Variants in ZDHHC15 observed in about 807,000 individuals in gnomAD.
ZDHHC15 encodes the protein palmitoyltransferase ZDHHC15.
Under a neutral mutation model 31.7 loss-of-function variants are expected in ZDHHC15, and 19 were observed. The observed-to-expected ratio is 0.60, with a 90% CI of 0.42 to 0.88. ZDHHC15 has a LOEUF of 0.88. Ranked by LOEUF, ZDHHC15 falls within the 40% of genes least tolerant of loss-of-function variation. The pLI is 0.00. For missense variants in ZDHHC15, 209 were observed against 251.2 expected (o/e 0.83, Z 1.14); for synonymous variants, 103 against 90.0 (o/e 1.14, Z -0.82).
At chrX:75,462,650 T>A (rs769080070) in intron 3 of ZDHHC15, among the ~76,000 whole-genome samples, 1 of 112,089 alleles carries the variant, frequency 8.9e-6, no homozygotes, top group South Asian at 3.7e-4. Flanking sequence ...GGAAATTGGA[T>A]AACCTGCTCT....
At chrX:75,488,113 A>G (rs1602713781) in intron 2 of ZDHHC15, among the ~76,000 whole-genome samples, 1 of 112,346 alleles carries the variant, frequency 8.9e-6, no homozygotes, top group East Asian at 2.8e-4. Context: ...GGAATAATCG[A>G]GAAAAACTTC....
intron 2 of ZDHHC15, among the ~76,000 whole-genome samples, chrX:75,495,820 T>C (rs759313589): frequency 9.5e-6 from 1 of 104,931 alleles, no homozygotes; most frequent in East Asian, 3.2e-4. Flanking sequence ...TTAGGAGGCA[T>C]TCCTAATGTT....
At chrX:75,383,220 A>G (rs1047969279) in intron 10 of ZDHHC15, among the ~76,000 whole-genome samples, 6 of 112,362 alleles carry the variant, frequency 5.3e-5, no homozygotes, top group African/African-American at 1.9e-4. Context: ...TAATGTTTAC[A>G]ACTCACAAAG....
At chrX:75,481,856 C>T (rs985753409) in intron 2 of ZDHHC15, among the ~76,000 whole-genome samples, 1 of 112,059 alleles carries the variant, frequency 8.9e-6, no homozygotes, top group Admixed American at 9.5e-5. Flanking sequence ...TGCTGCAGAT[C>T]AGGGGGAGGT....
intron 10 of ZDHHC15, among the ~76,000 whole-genome samples, chrX:75,399,548 C>T (rs2083333845): frequency 9.0e-6 from 1 of 111,267 alleles, no homozygotes; most frequent in Non-Finnish European, 1.9e-5. Flanking sequence ...GGAGTAAAGC[C>T]TCCAGGAGTC....
chrX:75,430,404 C>A (rs2083766497), intron 5 of ZDHHC15, among the ~76,000 whole-genome samples: 1 of 110,702 alleles, frequency 9.0e-6, no homozygotes, highest in Admixed American at 9.7e-5. Flanking sequence ...TTACATGTAT[C>A]AATATAAAAA....
chrX:75,476,953 T>A (rs1403640103), intron 3 of ZDHHC15, among the ~76,000 whole-genome samples: 1 of 111,377 alleles, frequency 9.0e-6, no homozygotes, highest in African/African-American at 3.3e-5. Context: ...TTTTATGGTT[T>A]TTTAAGATGA....
At chrX:75,493,459 G>C (rs961463796) in intron 2 of ZDHHC15, among the ~76,000 whole-genome samples, 1 of 111,519 alleles carries the variant, frequency 9.0e-6, no homozygotes, top group African/African-American at 3.3e-5. Flanking sequence ...TGATACCAAA[G>C]CCTGGCAGAG....
chrX:75,467,990 T>C (rs2084435875), intron 3 of ZDHHC15, among the ~76,000 whole-genome samples: 2 of 110,818 alleles, frequency 1.8e-5, no homozygotes, highest in African/African-American at 3.3e-5. Flanking sequence ...TTCACATAAA[T>C]GTAATCAAAA....
At chrX:75,482,886 G>A (rs2084713102) in intron 2 of ZDHHC15, among the ~76,000 whole-genome samples, 1 of 109,220 alleles carries the variant, frequency 9.2e-6, no homozygotes, top group African/African-American at 3.3e-5. Flanking sequence ...AGATGACTAG[G>A]TTTTGAACTC....
intron 4 of ZDHHC15, among the ~76,000 whole-genome samples, chrX:75,441,587 C>T (rs927230040): frequency 6.5e-5 from 7 of 107,026 alleles, no homozygotes; most frequent in Admixed American, 6.0e-4. Flanking sequence ...TCTGTGAATT[C>T]TTTCCGCTTT....
chrX:75,418,942 C>A (rs1271688261), intron 9 of ZDHHC15, among the ~76,000 whole-genome samples: 3 of 111,991 alleles, frequency 2.7e-5, no homozygotes, highest in Admixed American at 9.5e-5. Context: ...GCAACAAAAG[C>A]CAAAATTGGC....
chrX:75,474,513 CAT>C (rs1421616064), intron 3 of ZDHHC15, among the ~76,000 whole-genome samples: 1 of 13,783 alleles, frequency 7.3e-5, no homozygotes, highest in Non-Finnish European at 4.0e-4. Flanking sequence ...TATATACTCC[CAT>C]ATGTGTGTAT....
intron 10 of ZDHHC15, among the ~76,000 whole-genome samples, chrX:75,403,376 C>A (rs939640788): frequency 1.8e-5 from 2 of 111,576 alleles, no homozygotes; most frequent in African/African-American, 6.5e-5. Context: ...GAAGTCCTAG[C>A]CAAAACAATC....
chrX:75,489,117 C>A (rs1331530515), intron 2 of ZDHHC15, among the ~76,000 whole-genome samples: 6 of 111,973 alleles, frequency 5.4e-5, no homozygotes, highest in Non-Finnish European at 1.1e-4. Flanking sequence ...GTGGAGCCCA[C>A]CACAGCTCAA....
chrX:75,390,181 C>A (rs959583439), intron 10 of ZDHHC15, among the ~76,000 whole-genome samples: 2 of 112,049 alleles, frequency 1.8e-5, no homozygotes, highest in Admixed American at 1.9e-4. Flanking sequence ...GCTTTGGTGC[C>A]TGCTCAGCCA....
rs760564393 is a variant in ZDHHC15 at position 75,440,527 on chromosome X, C to T, written c.380-9007G>A. On this transcript the variant is annotated intron_variant, in intron 4 of 11. Coordinates refer to ENST00000373367, the MANE Select transcript of ZDHHC15 (RefSeq NM_144969.3). ...ATCTCCTGACCTCGTGATCTGCCTG[C>T]CCCGGCCTCCCGAAGTGCTGGGATT... is the stretch of plus-strand genomic sequence containing the variant. Among the ~76,000 whole-genome samples, 71 of 112,604 alleles carry T rather than the reference C, an allele frequency of 6.3e-4. 1 individual carries two copies. The highest frequency in any genetic ancestry group is 2.3e-3 in the African/African-American group (71 of 31,033).
At chrX:75,509,817 C>T (rs1482249276) in intron 1 of ZDHHC15, among the ~76,000 whole-genome samples, 1 of 112,185 alleles carries the variant, frequency 8.9e-6, no homozygotes, top group East Asian at 2.8e-4. Context: ...CATTTTTCTA[C>T]AAAAATAAAT....
chrX:75,389,103 G>A (rs1029576432), intron 10 of ZDHHC15, among the ~76,000 whole-genome samples: 3 of 111,313 alleles, frequency 2.7e-5, no homozygotes, highest in Non-Finnish European at 5.7e-5. Flanking sequence ...GTGCTGCCCT[G>A]TCACAGCAGA....
Sources: gnomAD v4.1 joint callset for allele counts (sites outside exome capture counted in the v4.1 genomes callset) on GRCh38, gnomAD v4.1.1 for gene constraint, MANE v1.5 for transcripts, NCBI Gene and HGNC (gene_info 2026-07-23, HGNC 2026-07-21) for gene names.